MRPS31: variants seen among roughly 807,000 people sequenced by gnomAD.
The protein encoded by MRPS31 is mitochondrial ribosomal protein S31.
MRPS31 carries 32 observed loss-of-function variants against 43.1 expected under a neutral mutation model. The observed-to-expected ratio is 0.74, with a 90% CI of 0.56 to 1.00. The LOEUF is 1.00. MRPS31 is among the 50% of genes least tolerant of loss of function. The probability of loss-of-function intolerance (pLI) is 0.00; values close to 1 mark genes in which losing one functional copy is unlikely to be tolerated. For synonymous variants in MRPS31, 165 were observed against 161.6 expected (o/e 1.02, Z -0.16); for missense variants, 437 against 466.7 (o/e 0.94, Z 0.59).
chr13:40,758,247 T>TG (rs757679526), intron 3 of MRPS31, among the ~76,000 whole-genome samples: 1 of 152,056 alleles, frequency 6.6e-6, no homozygotes, highest in Non-Finnish European at 1.5e-5. Flanking sequence ...TTTGTAGAGA[T>TG]GGGGTCTTGC....
chr13:40,729,725 G>T, intron 6 of MRPS31, 124 bp from the exon 7 acceptor site: 2 of 666,004 alleles, frequency 3.0e-6, no homozygotes, highest in Non-Finnish European at 2.4e-6. Flanking sequence ...TTAGACCTAG[G>T]TTGCATTTTT....
At chr13:40,751,691 C>T (rs1421680588) in intron 5 of MRPS31, among the ~76,000 whole-genome samples, 1 of 152,182 alleles carries the variant, frequency 6.6e-6, no homozygotes, top group Non-Finnish European at 1.5e-5. Flanking sequence ...GGGAAAACAA[C>T]AGTGAACAAT....
At chr13:40,766,295 G>A (rs1880843891) in intron 2 of MRPS31, among the ~76,000 whole-genome samples, 1 of 151,666 alleles carries the variant, frequency 6.6e-6, no homozygotes, top group African/African-American at 2.4e-5. Context: ...TTATTATTTT[G>A]TTGTTGTTGT....
chr13:40,767,355 C>G (rs1880881406), intron 1 of MRPS31, among the ~76,000 whole-genome samples: 1 of 152,106 alleles, frequency 6.6e-6, no homozygotes, highest in Non-Finnish European at 1.5e-5. Context: ...TGGGGTTTCC[C>G]CATGTTGGCC....
chr13:40,732,994 GTTTTTTTT>G (rs1159862645), intron 6 of MRPS31, among the ~76,000 whole-genome samples: 11 of 84,486 alleles, frequency 1.3e-4, no homozygotes, highest in African/African-American at 5.8e-4. Context: ...AATGCATTTG[GTTTTTTTT>G]TTTTTTTTTT....
At chr13:40,751,368 C>T (rs554177449) in intron 5 of MRPS31, among the ~76,000 whole-genome samples, 1 of 152,366 alleles carries the variant, frequency 6.6e-6, no homozygotes, top group East Asian at 1.9e-4. Context: ...CTGTGCCTGA[C>T]ACTTTTCTCA....
At chr13:40,743,128 A>G (rs769158222) in intron 6 of MRPS31, among the ~76,000 whole-genome samples, 8 of 152,118 alleles carry the variant, frequency 5.3e-5, no homozygotes, top group Non-Finnish European at 1.0e-4. Flanking sequence ...CCTGGCCAAC[A>G]TGGTAAAACC....
chr13:40,756,097 G>C (rs1402094746), intron 4 of MRPS31, among the ~76,000 whole-genome samples: 1 of 152,154 alleles, frequency 6.6e-6, no homozygotes, highest in Non-Finnish European at 1.5e-5. Context: ...CACCCAGAAA[G>C]AGTTAACTCA....
At chr13:40,746,935 A>G (rs549392664) in intron 6 of MRPS31, among the ~76,000 whole-genome samples, 14 of 152,272 alleles carry the variant, frequency 9.2e-5, no homozygotes, top group African/African-American at 2.4e-4. Flanking sequence ...ATTATTCCCA[A>G]CATTTTAGAG....
At chr13:40,748,295 T>G (rs1171787079) in intron 6 of MRPS31, among the ~76,000 whole-genome samples, 1 of 152,176 alleles carries the variant, frequency 6.6e-6, no homozygotes, top group African/African-American at 2.4e-5. Flanking sequence ...ATAGCTGGGA[T>G]TACAGGCATG....
intron 1 of MRPS31, among the ~76,000 whole-genome samples, chr13:40,768,769 C>G (rs534573453): frequency 9.9e-5 from 15 of 152,202 alleles, no homozygotes; most frequent in African/African-American, 3.4e-4. Context: ...CCAGGAGACA[C>G]TTGAGAATTT....
intron 2 of MRPS31, among the ~76,000 whole-genome samples, chr13:40,765,973 A>G (rs1037663996): frequency 6.6e-6 from 1 of 152,262 alleles, no homozygotes; most frequent in Non-Finnish European, 1.5e-5. Context: ...AAGCACTGAT[A>G]GGTATTGATC....
At chr13:40,739,450 T>C (rs1880017134) in intron 6 of MRPS31, among the ~76,000 whole-genome samples, 1 of 152,150 alleles carries the variant, frequency 6.6e-6, no homozygotes, top group African/African-American at 2.4e-5. Context: ...TTAAAGTTCA[T>C]ATGGAACCAA....
intron 3 of MRPS31, among the ~76,000 whole-genome samples, chr13:40,757,962 G>C (rs1880580378): frequency 6.6e-6 from 1 of 151,012 alleles, no homozygotes; most frequent in African/African-American, 2.4e-5. Context: ...CTAACACAGT[G>C]AAACACTGTC....
intron 6 of MRPS31, among the ~76,000 whole-genome samples, chr13:40,734,186 A>G (rs1879802111): frequency 6.6e-6 from 1 of 152,196 alleles, no homozygotes; most frequent in African/African-American, 2.4e-5. Flanking sequence ...ATCCTCAAGT[A>G]AACCATTAAA....
chr13:40,738,940 C>G (rs1193929206), intron 6 of MRPS31, among the ~76,000 whole-genome samples: 3 of 152,080 alleles, frequency 2.0e-5, no homozygotes, highest in Non-Finnish European at 4.4e-5. Flanking sequence ...CTGGCCAGGA[C>G]AATTAGGCAG....
rs942114067 is a variant in MRPS31 at position 40,737,338 on chromosome 13, A to G, written c.959-7737T>C. Among the ~76,000 whole-genome samples the G allele has an allele frequency of 3.6e-4, 54 of 152,088 alleles. 1 individual carries two copies. The highest frequency in any genetic ancestry group is 7.2e-4 in the Admixed American group (11 of 15,250). ...GACTCCCACACATTAATAATGGGAG[A>G]CTTTAACACCCCACTGTCAACATTA... On this transcript the variant is annotated intron_variant, in intron 6 of 6. Transcript: ENST00000323563.
rs1284223311 is a variant in MRPS31, at chr13:40,762,690, C to T, written c.441-3584G>A. Among the ~76,000 whole-genome samples, 4 of 152,010 alleles carry T rather than the reference C, an allele frequency of 2.6e-5. No homozygotes were observed. In the East Asian group the frequency reaches 7.7e-4, roughly 29 times the overall value. On this transcript the variant is annotated intron_variant, in intron 2 of 6. Coordinates refer to ENST00000323563, the MANE Select transcript of MRPS31 (RefSeq NM_005830.4). ...GACTCAAGCAATCCTCCTGCCTCAG[C>T]CTCCCAAAGTGCTGGGATTACAGGC... is the stretch of plus-strand genomic sequence containing the variant.
chr13:40,755,666 C>T (rs1485760819), intron 4 of MRPS31, among the ~76,000 whole-genome samples: 1 of 152,180 alleles, frequency 6.6e-6, no homozygotes, highest in East Asian at 1.9e-4. Flanking sequence ...CTGCCCCAGT[C>T]ATAGCAGGGT....
Sources: gnomAD v4.1 joint callset for allele counts (sites outside exome capture counted in the v4.1 genomes callset) on GRCh38, gnomAD v4.1.1 for gene constraint, MANE v1.5 for transcripts, NCBI Gene and HGNC (gene_info 2026-07-23, HGNC 2026-07-21) for gene names.